Variants in TMEM181 observed in about 807,000 individuals in gnomAD.
TMEM181 encodes transmembrane protein 181.
TMEM181 carries 39 observed loss-of-function variants against 71.9 expected under a neutral mutation model. The observed-to-expected ratio is 0.54, with a 90% CI of 0.42 to 0.71. The LOEUF is 0.71. Ranked by LOEUF, TMEM181 falls within the 30% of genes least tolerant of loss-of-function variation. TMEM181 has a pLI of 0.00. For missense variants in TMEM181, 595 were observed against 583.0 expected, an observed-to-expected ratio of 1.02 and a Z score of -0.21; for synonymous variants, 245 against 228.8, an observed-to-expected ratio of 1.07 and a Z score of -0.64.
upstream of TMEM181, among the ~76,000 whole-genome samples, chr6:158,557,167 G>C (rs754439927): frequency 1.3e-5 from 2 of 152,178 alleles, no homozygotes; most frequent in African/African-American, 4.8e-5. Flanking sequence ...TTGAGCCCAG[G>C]AGTTCAAGAC....
At chr6:158,631,437 A>ACG (rs1175635082) in intron 16 of TMEM181, 48 bp downstream of exon 16, 1 of 1,584,494 alleles carries the variant, frequency 6.3e-7, no homozygotes, top group South Asian at 1.1e-5. Context: ...GCATCCCGGC[A>ACG]CGGCCTTGCA....
intron 10 of TMEM181, among the ~76,000 whole-genome samples, chr6:158,609,293 C>T (rs762412640): frequency 2.6e-5 from 4 of 151,996 alleles, no homozygotes; most frequent in Non-Finnish European, 5.9e-5. Flanking sequence ...CTGTTTATAC[C>T]CTATGTATAC....
intron 1 of TMEM181, among the ~76,000 whole-genome samples, chr6:158,538,667 G>A (rs1781226441): frequency 6.6e-6 from 1 of 152,186 alleles, no homozygotes; most frequent in Non-Finnish European, 1.5e-5. Context: ...ATACAGCGGT[G>A]AGCAAGACAG....
At position 158,605,314 on chromosome 6, in the gene TMEM181, G is replaced by T; in HGVS notation, c.540G>T (p.Arg180=). The T allele has an allele frequency of 6.2e-7, 1 of 1,613,990 alleles. No homozygotes were observed. The highest frequency in any genetic ancestry group is 8.5e-7 in the Non-Finnish European group (1 of 1,180,008). The change falls in exon 7 of 17, where the codon CGG becomes CGT. Residue 180 remains arginine, a synonymous_variant. Coordinates refer to ENST00000684151, the MANE Select transcript of TMEM181 (RefSeq NM_001376852.1). ...PAFSRLEIWF[R]FFFVVLTFIV... is the part of the protein sequence containing the mutation. ...TCTCCCGGTTGGAAATCTGGTTCCGGTTTTTCTTTGTGGTGCTCACCTTCA... is the reference window on the plus strand; with the variant it reads ...TCTCCCGGTTGGAAATCTGGTTCCGTTTTTTCTTTGTGGTGCTCACCTTCA...
chr6:158,574,565 A>G (rs558135220), intron 2 of TMEM181, among the ~76,000 whole-genome samples: 1 of 152,198 alleles, frequency 6.6e-6, no homozygotes, highest in African/African-American at 2.4e-5. Context: ...TCAAACGTCC[A>G]TGATTATATC....
At chr6:158,580,282 A>G (rs1554305631) in intron 2 of TMEM181, among the ~76,000 whole-genome samples, 1 of 152,172 alleles carries the variant, frequency 6.6e-6, no homozygotes, top group Non-Finnish European at 1.5e-5. Context: ...GTGAGCTGAG[A>G]CTGCGCTATT....
rs191929853 is a variant in TMEM181 at position 158,571,338 on chromosome 6, C to T, written c.9-2082C>T. 2.3e-4 allele frequency among the ~76,000 whole-genome samples: 34 copies of T among 147,638 alleles called. 1 individual carries two copies. The highest frequency in any genetic ancestry group is 3.0e-5 in the Non-Finnish European group (2 of 67,620). Reference sequence around the variant, plus strand: ...GTCTCGATCTCCTGACCTTGTGATCCGCCCACCTTGGCCTCCCAAAGTGCT... The same window carrying T: ...GTCTCGATCTCCTGACCTTGTGATCTGCCCACCTTGGCCTCCCAAAGTGCT... On this transcript the variant is annotated intron_variant, in intron 1 of 16. Transcript: ENST00000684151.
At chr6:158,551,985 G>C (rs544591171) in intron 1 of TMEM181, among the ~76,000 whole-genome samples, 2 of 152,130 alleles carry the variant, frequency 1.3e-5, no homozygotes, top group Admixed American at 6.5e-5. Context: ...ATCCTGGGGA[G>C]GCCTGCCAAA....
intron 1 of TMEM181, among the ~76,000 whole-genome samples, chr6:158,550,485 A>G (rs1489233581): frequency 6.6e-6 from 1 of 151,764 alleles, no homozygotes; most frequent in Non-Finnish European, 1.5e-5. Flanking sequence ...GTGAAGCCCC[A>G]TCTCTACTGA....
chr6:158,607,417 C>A, intron 8 of TMEM181, 74 bp downstream of exon 8: 2 of 1,391,110 alleles, frequency 1.4e-6, no homozygotes, highest in Non-Finnish European at 2.0e-6. Context: ...CAGGGTTGTG[C>A]CTGTCATCCC....
intron 1 of TMEM181, among the ~76,000 whole-genome samples, chr6:158,541,898 C>CTTTTT (rs10583860): frequency 6.8e-4 from 45 of 66,616 alleles, no homozygotes; most frequent in Admixed American, 9.3e-4. Flanking sequence ...GGGATTTTAT[C>CTTTTT]TTTTTTTTTT....
intron 10 of TMEM181, chr6:158,611,020 C>T (rs1785272839): frequency 4.4e-6 from 2 of 454,080 alleles, no homozygotes; most frequent in Middle Eastern, 4.4e-4. Flanking sequence ...ACCTCCCTAT[C>T]TTTATGCTTT....
chr6:158,544,189 G>GTGTGTGTT (rs1171293512), intron 1 of TMEM181, among the ~76,000 whole-genome samples: 1 of 150,094 alleles, frequency 6.7e-6, no homozygotes, highest in African/African-American at 2.5e-5. Flanking sequence ...GAGAGTGTGT[G>GTGTGTGTT]TGTGTGTGTG....
rs144169779 is a variant in TMEM181, at chr6:158,551,299, G to A, written c.131+14434G>A. Among the ~76,000 whole-genome samples the A allele has an allele frequency of 5.8e-4, 89 of 152,160 alleles. 2 individuals carry two copies. The East Asian group carries it at 0.011, about 18-fold the overall frequency. ...TATGCAATTAATTTTTGTTCTGCTT[G>A]ATCTGAATTAGCAGTTTCATAAACC... is the stretch of plus-strand genomic sequence containing the variant. On this transcript the variant is annotated intron_variant, in intron 1 of 16. Transcript: ENST00000367090.
chr6:158,567,094 G>C, intron 1 of TMEM181, among the ~76,000 whole-genome samples: 1 of 152,212 alleles, frequency 6.6e-6, no homozygotes, highest in East Asian at 1.9e-4. Flanking sequence ...GATCTTCCAA[G>C]GGCCCCGCGG....
At chr6:158,592,986 A>T (rs1163911560) in intron 6 of TMEM181, among the ~76,000 whole-genome samples, 1 of 152,210 alleles carries the variant, frequency 6.6e-6, no homozygotes, top group African/African-American at 2.4e-5. Context: ...GCAAGGACAC[A>T]AGTTTTCTCA....
chr6:158,614,984 A>T (rs10806697), intron 10 of TMEM181, among the ~76,000 whole-genome samples: 3 of 151,946 alleles, frequency 2.0e-5, no homozygotes, highest in Admixed American at 2.0e-4. Context: ...ATGATTTGTC[A>T]TCCTTTGGGT....
intron 2 of TMEM181, among the ~76,000 whole-genome samples, chr6:158,574,355 C>T (rs1180578266): frequency 6.6e-6 from 1 of 152,148 alleles, no homozygotes; most frequent in Non-Finnish European, 1.5e-5. Flanking sequence ...ATAATAGCAG[C>T]TGTAGCCAAC....
At chr6:158,580,831 A>AT (rs1448165343) in intron 2 of TMEM181, 109 bp from the exon 3 acceptor site, 2 of 953,450 alleles carry the variant, frequency 2.1e-6, no homozygotes, top group African/African-American at 3.3e-5. Context: ...AACCAGGTGA[A>AT]TTAAGGTCAT....
Sources: gnomAD v4.1 joint callset for allele counts (sites outside exome capture counted in the v4.1 genomes callset) on GRCh38, gnomAD v4.1.1 for gene constraint, MANE v1.5 for transcripts, NCBI Gene and HGNC (gene_info 2026-07-23, HGNC 2026-07-21) for gene names.